Variants in ZNF385D observed in about 807,000 individuals in gnomAD.
The protein encoded by ZNF385D is zinc finger protein 385D, also known as zinc finger protein 659.
ZNF385D carries 15 observed loss-of-function variants against 35.8 expected under a neutral mutation model. That is an observed-to-expected ratio of 0.42 (90% CI 0.28 to 0.64). The LOEUF is 0.64. ZNF385D is among the 30% of genes least tolerant of loss of function. The pLI, the probability that ZNF385D is intolerant of heterozygous loss-of-function variation, is 0.23. For missense variants in ZNF385D, 474 were observed against 494.6 expected, an observed-to-expected ratio of 0.96 and a Z score of 0.39; for synonymous variants, 212 against 186.8, an observed-to-expected ratio of 1.13 and a Z score of -1.10.
Position 21,787,981 on chromosome 3 carries a change from AAG to A in ZNF385D, c.326-122955_326-122954del, listed in dbSNP as rs1559622276. On this transcript the variant is annotated intron_variant, in intron 3 of 5. Coordinates refer to the ZNF385D transcript ENST00000494108. ...AAAAAAAAAAAAAAAAAAAAAAAAA[AAG>A]AGAGAGAGAGAGCAATAGTTAATAA... 2.6e-3 allele frequency among the ~76,000 whole-genome samples: 275 copies of A among 104,938 alleles called. 26 individuals carry two copies. Among genetic ancestry groups the A allele is most frequent in the African/African-American group, 4.9e-3 (136 of 27,686 alleles). 68.8% of individuals were successfully genotyped at this position (104,938 alleles called of 152,430 possible). A position where few individuals can be genotyped will look rare whatever the true frequency, so the allele number is the denominator to read the frequency against.
chr3:22,283,485 C>A (rs1185716309), intron 2 of ZNF385D, among the ~76,000 whole-genome samples: 1 of 152,098 alleles, frequency 6.6e-6, no homozygotes, highest in Non-Finnish European at 1.5e-5. Flanking sequence ...GAATCAGTGT[C>A]CTAATCTTCC....
At chr3:22,296,096 G>C (rs7429312) in intron 2 of ZNF385D, among the ~76,000 whole-genome samples, 1 of 152,018 alleles carries the variant, frequency 6.6e-6, no homozygotes, top group South Asian at 2.1e-4. Context: ...GTAAGGTTAT[G>C]AATCAATCCA....
chr3:22,121,091 G>A (rs115233702), intron 3 of ZNF385D, among the ~76,000 whole-genome samples: 2,694 of 152,250 alleles, frequency 0.018, 63 homozygotes, highest in African/African-American at 0.061. Context: ...GTTGCCTACT[G>A]TGAATTATGT....
chr3:21,672,806 C>T (rs2066616357), intron 1 of ZNF385D, among the ~76,000 whole-genome samples: 1 of 152,054 alleles, frequency 6.6e-6, no homozygotes, highest in Non-Finnish European at 1.5e-5. Flanking sequence ...GATAATTATC[C>T]AGTTGCCAAT....
chr3:22,177,557 G>C (rs939365110), intron 2 of ZNF385D, among the ~76,000 whole-genome samples: 3 of 152,136 alleles, frequency 2.0e-5, no homozygotes, highest in Admixed American at 2.0e-4. Flanking sequence ...AGAAGAGAGA[G>C]ATAATGTAGG....
intron 2 of ZNF385D, among the ~76,000 whole-genome samples, chr3:21,663,911 A>ATT (rs1348884771): frequency 2.8e-5 from 3 of 108,982 alleles, no homozygotes; most frequent in East Asian, 2.7e-4. Context: ...ATATATATAT[A>ATT]TATATATTTA....
rs747458459 is a variant in ZNF385D, at chr3:21,664,998, G to A, written c.53C>T (p.Ala18Val). 1 of 1,613,052 alleles carries A rather than the reference G, an allele frequency of 6.2e-7. No individual in the cohort carries two copies. The highest frequency in any genetic ancestry group is 8.5e-7 in the Non-Finnish European group (1 of 1,179,438). Reference protein sequence around the residue: ...GGTCQSPALPALVRPPAPPLQ... With the variant: ...GGTCQSPALPVLVRPPAPPLQ... ...AGGAGGGGCTGGTGGACGGACAAGG[G>A]CCGGGAGAGCAGGACTCTGGCATGT... The change falls in exon 2 of 8, where the codon GCC (alanine) becomes GTC (valine). Residue 18 changes from alanine (A) to valine (V), a missense_variant. Ala to Val is a moderately conservative substitution (Grantham distance 64). Coordinates refer to ENST00000281523, the MANE Select transcript of ZNF385D (RefSeq NM_024697.3).
intron 3 of ZNF385D, among the ~76,000 whole-genome samples, chr3:22,063,007 G>A (rs2125545227): frequency 6.6e-6 from 1 of 152,238 alleles, no homozygotes; most frequent in African/African-American, 2.4e-5. Flanking sequence ...TCAGCCTCAT[G>A]ACTCACAGAA....
At chr3:21,581,462 C>A (rs2063660749) in intron 2 of ZNF385D, among the ~76,000 whole-genome samples, 1 of 152,086 alleles carries the variant, frequency 6.6e-6, no homozygotes, top group East Asian at 1.9e-4. Flanking sequence ...TCTCCCCAAC[C>A]TAAATTGCAA....
chr3:21,628,566 A>T (rs912826869), intron 2 of ZNF385D, among the ~76,000 whole-genome samples: 10 of 152,190 alleles, frequency 6.6e-5, no homozygotes, highest in African/African-American at 2.4e-4. Context: ...CCAGGTCTTG[A>T]TTTACTCCCT....
At chr3:21,744,594 G>A (rs2069674090) in intron 1 of ZNF385D, among the ~76,000 whole-genome samples, 1 of 152,124 alleles carries the variant, frequency 6.6e-6, no homozygotes, top group Non-Finnish European at 1.5e-5. Flanking sequence ...ATTCACTTAA[G>A]CAAAGTGAAA....
At chr3:22,027,735 G>T (rs1396500843) in intron 3 of ZNF385D, among the ~76,000 whole-genome samples, 2 of 152,138 alleles carry the variant, frequency 1.3e-5, no homozygotes, top group African/African-American at 4.8e-5. Context: ...GCTCAAGCAG[G>T]TCCTGAAGGC....
intron 3 of ZNF385D, among the ~76,000 whole-genome samples, chr3:22,032,716 GTA>G (rs1698076484): frequency 6.6e-6 from 1 of 152,144 alleles, no homozygotes; most frequent in Non-Finnish European, 1.5e-5. Flanking sequence ...GGGCATTTAG[GTA>G]AATGGTAACT....
At chr3:22,227,759 A>G (rs777668509) in intron 2 of ZNF385D, among the ~76,000 whole-genome samples, 41 of 152,152 alleles carry the variant, frequency 2.7e-4, no homozygotes, top group Non-Finnish European at 5.6e-4. Flanking sequence ...CTAATGACCT[A>G]TAAGTTACAA....
intron 3 of ZNF385D, among the ~76,000 whole-genome samples, chr3:21,760,428 G>A (rs1038349823): frequency 6.6e-6 from 1 of 152,104 alleles, no homozygotes; most frequent in African/African-American, 2.4e-5. Context: ...CTCTTATAAA[G>A]TATCTTCAAA....
At chr3:21,981,923 T>G (rs1181073081) in intron 3 of ZNF385D, among the ~76,000 whole-genome samples, 2 of 152,202 alleles carry the variant, frequency 1.3e-5, no homozygotes, top group Non-Finnish European at 2.9e-5. Context: ...TTGGTTTACA[T>G]GCCTGTTTTT....
At chr3:22,346,024 C>T (rs1695643485) in intron 2 of ZNF385D, among the ~76,000 whole-genome samples, 1 of 152,114 alleles carries the variant, frequency 6.6e-6, no homozygotes, top group South Asian at 2.1e-4. Flanking sequence ...AAAAGAACTC[C>T]TTGCATACTC....
intron 3 of ZNF385D, among the ~76,000 whole-genome samples, chr3:22,117,062 A>C (rs1218902806): frequency 1.3e-5 from 2 of 152,076 alleles, no homozygotes; most frequent in Non-Finnish European, 2.9e-5. Context: ...GAAAGAATTC[A>C]AACTGACCCC....
At chr3:21,903,674 G>T (rs911808292) in intron 3 of ZNF385D, among the ~76,000 whole-genome samples, 1 of 152,122 alleles carries the variant, frequency 6.6e-6, no homozygotes, top group African/African-American at 2.4e-5. Context: ...ATCTCAATAA[G>T]CATTTTTTAA....
Sources: allele counts gnomAD v4.1 joint callset (sites outside exome capture counted in the v4.1 genomes callset), GRCh38; gene constraint gnomAD v4.1.1; transcripts MANE v1.5; gene names NCBI Gene and HGNC (gene_info 2026-07-23, HGNC 2026-07-21).